The following CCL13 variants were observed in gnomAD, a reference collection of about 807,000 sequenced individuals.
CCL13 encodes C-C motif chemokine 13.
A neutral mutation model predicts 6.6 loss-of-function variants in CCL13; 5 were observed. That is an observed-to-expected ratio of 0.76 (90% confidence interval 0.40 to 1.60). The LOEUF (loss-of-function observed/expected upper bound fraction) is 1.60. Ranked by LOEUF, CCL13 falls within the 40% of genes most tolerant of loss-of-function variation. The pLI is 0.02. For synonymous variants in CCL13, 39 were observed against 43.0 expected, an observed-to-expected ratio of 0.91 and a Z score of 0.37; for missense variants, 117 against 114.2, an observed-to-expected ratio of 1.02 and a Z score of -0.11.
In CCL13 at chr17:34,358,021, C is replaced by G; in HGVS notation, c.192-5C>G. On this transcript the variant is annotated splice_polypyrimidine_tract_variant and splice_region_variant and intron_variant, in intron 2 of 2. Coordinates refer to ENST00000225844, the MANE Select transcript of CCL13 (RefSeq NM_005408.3). ...CTAACTGTGCCAGATCTCCTTCCTC[C>G]ACAGCTTCAGAACCAAACTGGGCAA... The G allele has an allele frequency of 6.2e-7, 1 of 1,607,818 alleles. No homozygotes were observed. The highest frequency in any genetic ancestry group is 8.5e-7 in the Non-Finnish European group (1 of 1,176,066).
At position 34,356,577 on chromosome 17, in the gene CCL13, C is replaced by T. The variant is rs1369369542; in HGVS notation, c.51C>T (p.Phe17=). ...LLCLLLMTAA[F]NPQGLAQPDA... is the part of the protein sequence containing the mutation. ...GCCTGCTGCTCATGACAGCAGCTTT[C>T]AACCCCCAGGGACTTGCTCAGCCAG... Residue 17 remains phenylalanine, a synonymous_variant, in exon 1 of 3, where the codon TTC becomes TTT. Transcript: ENST00000225844. 1.9e-6 allele frequency: 3 copies of T among 1,613,464 alleles called. No individual in the cohort carries two copies. The highest frequency in any genetic ancestry group is 2.5e-6 in the Non-Finnish European group (3 of 1,179,430).
In CCL13 at chr17:34,358,089, T is replaced by C. The variant is rs749651505; in HGVS notation, c.255T>C (p.Tyr85=). 67 of 1,613,986 alleles carry C rather than the reference T, an allele frequency of 4.2e-5. No individual in the cohort carries two copies. The highest frequency in any genetic ancestry group is 5.5e-5 in the Non-Finnish European group (65 of 1,179,998). Residue 85 remains tyrosine (Y), a synonymous_variant, in exon 3 of 3, where the codon TAT becomes TAC. Coordinates refer to ENST00000225844, the MANE Select transcript of CCL13 (RefSeq NM_005408.3). ...ADPKEKWVQN[Y]MKHLGRKAHT... ...CAAAGGAGAAGTGGGTCCAGAATTA[T>C]ATGAAACACCTGGGCCGGAAAGCTC... is the stretch of plus-strand genomic sequence containing the variant.
At chr17:34,356,675 G>T in intron 1 of CCL13, 73 bp downstream of exon 1, 1 of 1,061,448 alleles carries the variant, frequency 9.4e-7, no homozygotes, top group African/African-American at 1.6e-5. Flanking sequence ...AAGCCCGAGT[G>T]CTCCTCCACT....
In CCL13 at chr17:34,358,410, T is replaced by C. The variant is rs1346885264; in HGVS notation, c.*279T>C. The stretch of plus-strand genomic sequence containing the variant: ...AGCCCCCTTCCCTTCCACTATGAGC[T>C]GCTGGCAGTGGGTTTGTATTCGGTT... On this transcript the variant is annotated 3_prime_UTR_variant, in exon 3 of 3. Coordinates refer to ENST00000225844, the MANE Select transcript of CCL13 (RefSeq NM_005408.3). 4.5e-5 allele frequency: 18 copies of C among 399,484 alleles called. No homozygotes were observed. The highest frequency in any genetic ancestry group is 7.7e-5 in the Non-Finnish European group (17 of 220,102). 24.7% of individuals were successfully genotyped at this position (399,484 alleles called of 1,614,324 possible).
intron 2 of CCL13, among the ~76,000 whole-genome samples, 174 bp downstream of exon 2, chr17:34,357,763 C>A (rs1910390486): frequency 6.6e-6 from 1 of 152,200 alleles, no homozygotes. Flanking sequence ...CAAAGAGGAC[C>A]TATAATTTCC....
chr17:34,358,365 C>A lies in CCL13; in HGVS notation c.*234C>A. On this transcript the variant is annotated 3_prime_UTR_variant, in exon 3 of 3. Transcript: ENST00000225844. ...ATCTTTTCTAAAGCAAGGCCTTGAG[C>A]AAGTAGGTTGCTGTCTCTAAGCCCC... The A allele has an allele frequency of 2.0e-6, 1 of 490,026 alleles. No individual in the cohort carries two copies. Among genetic ancestry groups the A allele is most frequent in the Non-Finnish European group, 3.6e-6 (1 of 274,692 alleles). The allele number at this position is 490,026 out of a possible 1,614,324, so 30.4% of individuals were successfully genotyped here.
intron 1 of CCL13, 116 bp from the exon 2 acceptor site, chr17:34,357,355 GGTGA>G (rs1278284470): frequency 4.5e-6 from 3 of 665,742 alleles, no homozygotes; most frequent in East Asian, 5.2e-5. Context: ...TGGGCTTGGG[GGTGA>G]GTAAGATCTA....
rs73288078 is a variant in CCL13 at position 34,357,696 on chromosome 17, T to G, written c.191+107T>G. 5.4e-3 allele frequency: 3,995 copies of G among 744,044 alleles called. 105 individuals are homozygous for G. In the African/African-American group the frequency reaches 0.058, roughly 11 times the overall value. The allele number at this position is 744,044 out of a possible 1,614,324, so 46.1% of individuals were successfully genotyped here. A position where few individuals can be genotyped will look rare whatever the true frequency, so the allele number is the denominator to read the frequency against. ...GTCAGACTGACTTGAGATCTTAGGATGAGATCTAGCCAGACTGTGTGATGC... is the reference window on the plus strand; with the variant it reads ...GTCAGACTGACTTGAGATCTTAGGAGGAGATCTAGCCAGACTGTGTGATGC... On this transcript the variant is annotated intron_variant, in intron 2 of 2. Transcript: ENST00000225844.
rs2141948389 is a variant in CCL13 at position 34,358,314 on chromosome 17, G to A, written c.*183G>A. 1.6e-6 allele frequency: 1 copy of A among 607,636 alleles called. No individual in the cohort carries two copies. Among genetic ancestry groups the A allele is most frequent in the Middle Eastern group, 4.3e-4 (1 of 2,312 alleles). The allele number at this position is 607,636 out of a possible 1,614,324, so 37.6% of individuals were successfully genotyped here. A position where few individuals can be genotyped will look rare whatever the true frequency, so the allele number is the denominator to read the frequency against. On this transcript the variant is annotated 3_prime_UTR_variant, in exon 3 of 3. Coordinates refer to ENST00000225844, the MANE Select transcript of CCL13 (RefSeq NM_005408.3). ...TTGGCTATTATTTGACTTGTTGCTG[G>A]TTTGGAGTTTATTTGAGTATTGCTG... is the stretch of plus-strand genomic sequence containing the variant.
Position 34,357,583 on chromosome 17 carries a change from C to T in CCL13, c.185C>T (p.Ala62Val). The T allele has an allele frequency of 6.2e-7, 1 of 1,601,854 alleles. No homozygotes were observed. The change falls in exon 2 of 3, where the codon GCT becomes GTT. Residue 62 changes from alanine (A) to valine (V), a missense_variant. By Grantham distance (64) the Ala-to-Val change is moderately conservative (BLOSUM62 0). Coordinates refer to ENST00000225844, the MANE Select transcript of CCL13 (RefSeq NM_005408.3). ...ACCACCAGCAGGTGTCCCCAGAAGGCTGTCATGTGGGTAGAAAAATCCCTG... is the reference window on the plus strand; with the variant it reads ...ACCACCAGCAGGTGTCCCCAGAAGGTTGTCATGTGGGTAGAAAAATCCCTG... ...VITTSRCPQK[A>V]VIFRTKLGKE...
At chr17:34,357,611 C>A in intron 2 of CCL13, 22 bp downstream of exon 2, 1 of 1,424,914 alleles carries the variant, frequency 7.0e-7, no homozygotes, top group Non-Finnish European at 9.9e-7. Flanking sequence ...AATCCCTGCT[C>A]ACCTGGCTCC....
In CCL13 at chr17:34,357,691, T is replaced by C. The variant is rs549331512; in HGVS notation, c.191+102T>C. The C allele has an allele frequency of 8.1e-5, 61 of 756,798 alleles. 1 individual carries two copies. In the African/African-American group the frequency reaches 8.9e-4, roughly 11 times the overall value. 46.9% of individuals were successfully genotyped at this position (756,798 alleles called of 1,614,324 possible). The stretch of plus-strand genomic sequence containing the variant: ...CAGACGTCAGACTGACTTGAGATCT[T>C]AGGATGAGATCTAGCCAGACTGTGT... On this transcript the variant is annotated intron_variant, in intron 2 of 2. Coordinates refer to ENST00000225844, the MANE Select transcript of CCL13 (RefSeq NM_005408.3).
Position 34,357,550 on chromosome 17 carries a change from A to G in CCL13, c.152A>G (p.Tyr51Cys), listed in dbSNP as rs1910382930. The change falls in exon 2 of 3, where the codon TAT becomes TGT. Residue 51 changes from tyrosine (Y) to cysteine (C), a missense_variant. Tyr to Cys is a radical substitution (Grantham distance 194, BLOSUM62 -2). Coordinates refer to ENST00000225844, the MANE Select transcript of CCL13 (RefSeq NM_005408.3). ...KKISLQRLKS[Y>C]VITTSRCPQK... ...ATCTCCTTGCAGAGGCTGAAGAGCT[A>G]TGTGATCACCACCAGCAGGTGTCCC... 1 of 1,613,392 alleles carries G rather than the reference A, an allele frequency of 6.2e-7. No individual in the cohort carries two copies.
intron 2 of CCL13, among the ~76,000 whole-genome samples, 161 bp downstream of exon 2, chr17:34,357,750 G>A (rs547367773): frequency 1.3e-5 from 2 of 152,310 alleles, no homozygotes; most frequent in Non-Finnish European, 1.5e-5. Flanking sequence ...TGCACAACAG[G>A]TCCAAAGAGG....
Position 34,358,330 on chromosome 17 carries a change from A to T in CCL13, c.*199A>T. ...TTGTTGCTGGTTTGGAGTTTATTTG[A>T]GTATTGCTGATCTTTTCTAAAGCAA... On this transcript the variant is annotated 3_prime_UTR_variant, in exon 3 of 3. Coordinates refer to ENST00000225844, the MANE Select transcript of CCL13 (RefSeq NM_005408.3). 1 of 576,920 alleles carries T rather than the reference A, an allele frequency of 1.7e-6. No individual in the cohort carries two copies. 35.7% of individuals were successfully genotyped at this position (576,920 alleles called of 1,614,324 possible). A position where few individuals can be genotyped will look rare whatever the true frequency, so the allele number is the denominator to read the frequency against.
chr17:34,358,533 A>T lies in CCL13; in HGVS notation c.*402A>T, dbSNP rs1910416078. ...TTGTGAATGTGAGGTGTTGCTAAAT[A>T]TGTTATTGTGGAAAGATGAATGCAA... On this transcript the variant is annotated 3_prime_UTR_variant, in exon 3 of 3. Transcript: ENST00000225844. The T allele has an allele frequency of 4.0e-6, 1 of 250,028 alleles. No homozygotes were observed. The highest frequency in any genetic ancestry group is 4.5e-5 in the South Asian group (1 of 21,986). 15.5% of individuals were successfully genotyped at this position (250,028 alleles called of 1,614,324 possible). A position where few individuals can be genotyped will look rare whatever the true frequency, so the allele number is the denominator to read the frequency against.
chr17:34,357,068 T>C (rs928451647), intron 1 of CCL13, among the ~76,000 whole-genome samples: 1 of 152,220 alleles, frequency 6.6e-6, no homozygotes, highest in Non-Finnish European at 1.5e-5. Context: ...AAGCCCATGT[T>C]GGAGGCAGAA....
At chr17:34,357,412 T>A (rs111740379) in intron 1 of CCL13, 63 bp from the exon 2 acceptor site, 13 of 1,059,284 alleles carry the variant, frequency 1.2e-5, no homozygotes, top group Admixed American at 1.0e-4. Context: ...TGCTCCCTGC[T>A]GTATTCAAGC....
Position 34,357,479 on chromosome 17 carries a change from A to G in CCL13, c.81A>G (p.Ala27=), listed in dbSNP as rs1910378609. ...TTTCTTTGTAACTATTTCTAGATGC[A>G]CTCAACGTCCCATCTACTTGCTGCT... ...FNPQGLAQPD[A]LNVPSTCCFT... The change falls in exon 2 of 3, where the codon GCA becomes GCG. Residue 27 remains alanine, a synonymous_variant. Transcript: ENST00000225844. The G allele has an allele frequency of 1.9e-6, 3 of 1,603,804 alleles. No homozygotes were observed. The highest frequency in any genetic ancestry group is 1.7e-6 in the Non-Finnish European group (2 of 1,171,156).
Sources: allele counts gnomAD v4.1 joint callset (sites outside exome capture counted in the v4.1 genomes callset), GRCh38; gene constraint gnomAD v4.1.1; transcripts MANE v1.5; gene names NCBI Gene and HGNC (gene_info 2026-07-23, HGNC 2026-07-21).